The following KCNH1 variants were observed in gnomAD, a reference collection of about 807,000 sequenced individuals.
KCNH1 encodes the protein potassium voltage-gated channel subfamily H member 1.
In KCNH1, 27 loss-of-function variants were observed where a neutral mutation model predicts 69.2. The ratio of observed to expected loss-of-function variants is 0.39; its 90% CI spans 0.29 to 0.54. The LOEUF is 0.54. Ranked by LOEUF, KCNH1 falls within the 20% of genes least tolerant of loss-of-function variation. The pLI, the probability that KCNH1 is intolerant of heterozygous loss-of-function variation, is 0.68. For synonymous variants in KCNH1, 456 were observed against 487.7 expected (o/e 0.93, Z 0.86); for missense variants, 798 against 1,261.6 (o/e 0.63, Z 5.57).
chr1:210,833,749 C>T, intron 7 of KCNH1, among the ~76,000 whole-genome samples: 1 of 152,112 alleles, frequency 6.6e-6, no homozygotes, highest in Non-Finnish European at 1.5e-5. Flanking sequence ...GAACAGGCAA[C>T]CCACAAAATG....
Position 210,982,493 on chromosome 1 carries a change from C to G in KCNH1, c.1032+36290G>C, listed in dbSNP as rs188085189. On this transcript the variant is annotated intron_variant, in intron 6 of 10. Coordinates refer to ENST00000271751, the MANE Select transcript of KCNH1 (RefSeq NM_172362.3). ...GTCCATGTCTTCTCATTATTCAATT[C>G]CTACCTATGAGTGAGAACATGTGGT... Among the ~76,000 whole-genome samples the G allele has an allele frequency of 8.3e-4, 126 of 152,128 alleles. 1 individual carries two copies. The highest frequency in any genetic ancestry group is 1.9e-3 in the South Asian group (9 of 4,804).
At chr1:210,841,773 C>G (rs1466869405) in intron 7 of KCNH1, among the ~76,000 whole-genome samples, 2 of 152,094 alleles carry the variant, frequency 1.3e-5, no homozygotes, top group African/African-American at 4.8e-5. Flanking sequence ...GTCTTCTTTT[C>G]TAAGGACCAA....
intron 10 of KCNH1, among the ~76,000 whole-genome samples, chr1:210,706,078 G>C (rs1681906606): frequency 1.3e-5 from 2 of 152,238 alleles, no homozygotes; most frequent in South Asian, 4.1e-4. Flanking sequence ...CTCGAACCCA[G>C]AGAGTTAGGT....
chr1:210,890,703 A>G (rs946757875), intron 7 of KCNH1, among the ~76,000 whole-genome samples: 18 of 152,150 alleles, frequency 1.2e-4, no homozygotes, highest in African/African-American at 4.1e-4. Flanking sequence ...GACAAGAAAA[A>G]AAAAACCCCA....
At chr1:211,080,283 G>A (rs1019272422) in intron 5 of KCNH1, among the ~76,000 whole-genome samples, 2 of 152,136 alleles carry the variant, frequency 1.3e-5, no homozygotes, top group Non-Finnish European at 2.9e-5. Flanking sequence ...ACCCCTTCAA[G>A]GAGAACTACA....
In KCNH1 at chr1:211,133,605, G is replaced by A. The variant is rs1691916951; in HGVS notation, c.79+262C>T. ...TGCTCAGCAGCTGTCACGCATCCTT[G>A]GAGATAAGACCGAGAGGGCGCTAGA... On this transcript the variant is annotated intron_variant, in intron 1 of 10. Transcript: ENST00000271751. This position sits in a 1 kb window ranked among gnomAD's most constrained non-coding sequence, Gnocchi z 5.4. Among the ~76,000 whole-genome samples the A allele has an allele frequency of 6.6e-6, 1 of 152,132 alleles. No homozygotes were observed. The highest frequency in any genetic ancestry group is 6.5e-5 in the Admixed American group (1 of 15,282).
chr1:211,097,673 T>C (rs1186440193), intron 3 of KCNH1, among the ~76,000 whole-genome samples: 3 of 152,308 alleles, frequency 2.0e-5, no homozygotes, highest in African/African-American at 4.8e-5. Flanking sequence ...TACATCTATA[T>C]CTCTGTGACC....
At chr1:210,832,516 G>A (rs1685183687) in intron 7 of KCNH1, among the ~76,000 whole-genome samples, 1 of 152,078 alleles carries the variant, frequency 6.6e-6, no homozygotes, top group South Asian at 2.1e-4. Flanking sequence ...CATTAACGCT[G>A]TATATAAATT....
chr1:210,770,954 T>C (rs1182309835), intron 10 of KCNH1, among the ~76,000 whole-genome samples: 2 of 152,200 alleles, frequency 1.3e-5, no homozygotes, highest in Non-Finnish European at 2.9e-5. Context: ...GGGGTTTTCT[T>C]CCTCACAGGG....
intron 3 of KCNH1, among the ~76,000 whole-genome samples, chr1:211,091,991 T>C (rs1691060950): frequency 6.6e-6 from 1 of 152,226 alleles, no homozygotes; most frequent in South Asian, 2.1e-4. Context: ...TACAACAGCA[T>C]CTAGCAGAAC....
intron 9 of KCNH1, among the ~76,000 whole-genome samples, chr1:210,781,925 G>A (rs1683994987): frequency 6.6e-6 from 1 of 152,208 alleles, no homozygotes; most frequent in Non-Finnish European, 1.5e-5. Context: ...CTGCCCTCCA[G>A]TCACACTGGG....
chr1:210,696,606 A>G (rs1435444951), intron 10 of KCNH1, among the ~76,000 whole-genome samples: 1 of 152,180 alleles, frequency 6.6e-6, no homozygotes, highest in African/African-American at 2.4e-5. Context: ...AAGGAAAGAC[A>G]CTTGAACTCC....
chr1:210,760,862 C>A (rs945198469), intron 10 of KCNH1, among the ~76,000 whole-genome samples: 1 of 152,182 alleles, frequency 6.6e-6, no homozygotes, highest in Non-Finnish European at 1.5e-5. Flanking sequence ...ATTCAATTAC[C>A]TCCCTCCAGG....
intron 10 of KCNH1, among the ~76,000 whole-genome samples, chr1:210,698,555 G>A (rs1257782055): frequency 6.6e-6 from 1 of 152,158 alleles, no homozygotes; most frequent in Non-Finnish European, 1.5e-5. Context: ...CAGAGAAGAG[G>A]GCATAGAGCC....
intron 7 of KCNH1, among the ~76,000 whole-genome samples, chr1:210,904,592 T>C (rs1687060332): frequency 6.6e-6 from 1 of 152,220 alleles, no homozygotes; most frequent in Non-Finnish European, 1.5e-5. Context: ...TTGCACTTCA[T>C]GGCTCTCTGA....
chr1:211,087,570 G>A (rs1690976385), intron 4 of KCNH1, among the ~76,000 whole-genome samples: 2 of 149,190 alleles, frequency 1.3e-5, no homozygotes, highest in African/African-American at 5.0e-5. Flanking sequence ...TTTTAGGCAG[G>A]AATTTCTACC....
intron 6 of KCNH1, among the ~76,000 whole-genome samples, chr1:210,939,939 T>C (rs1207078629): frequency 6.6e-6 from 1 of 152,214 alleles, no homozygotes; most frequent in Non-Finnish European, 1.5e-5. Flanking sequence ...ATGGAAAATC[T>C]AGTGGTCTGT....
At chr1:210,959,355 G>GT (rs1688251013) in intron 6 of KCNH1, among the ~76,000 whole-genome samples, 1 of 152,200 alleles carries the variant, frequency 6.6e-6, no homozygotes, top group Non-Finnish European at 1.5e-5. Flanking sequence ...GTGTGTCCCA[G>GT]TTAGGCCACA....
chr1:210,806,568 A>AT (rs1236856265), intron 7 of KCNH1, among the ~76,000 whole-genome samples: 3 of 149,444 alleles, frequency 2.0e-5, no homozygotes, highest in Non-Finnish European at 3.0e-5. Flanking sequence ...CATTGTACTT[A>AT]TTTTTTTTCT....
Sources: allele counts gnomAD v4.1 joint callset (sites outside exome capture counted in the v4.1 genomes callset), GRCh38; gene constraint gnomAD v4.1.1; non-coding constraint Gnocchi (gnomAD v3.1); transcripts MANE v1.5; gene names NCBI Gene and HGNC (gene_info 2026-07-23, HGNC 2026-07-21).